Variants in FOXO3 observed in about 807,000 individuals in gnomAD.
FOXO3 encodes the protein forkhead box O3.
Under a neutral mutation model 41.9 loss-of-function variants are expected in FOXO3, and 4 were observed. The observed-to-expected ratio is 0.10, with a 90% confidence interval of 0.05 to 0.22. The LOEUF (loss-of-function observed/expected upper bound fraction) is 0.22, where lower values mean the gene tolerates loss of function less well. Among genes scored for constraint, FOXO3 ranks in the 10% least tolerant of loss-of-function variants. The probability of loss-of-function intolerance (pLI) is 1.00; values close to 1 mark genes in which losing one functional copy is unlikely to be tolerated. For missense variants in FOXO3, 534 were observed against 906.8 expected, an observed-to-expected ratio of 0.59 and a Z score of 5.28; for synonymous variants, 318 against 389.3, an observed-to-expected ratio of 0.82 and a Z score of 2.16.
intron 1 of FOXO3, among the ~76,000 whole-genome samples, chr6:108,639,065 G>A (rs940370924): frequency 6.6e-6 from 1 of 152,152 alleles, no homozygotes; most frequent in African/African-American, 2.4e-5. Context: ...TATAACAGGA[G>A]ACTTTTCACG....
intron 1 of FOXO3, among the ~76,000 whole-genome samples, chr6:108,627,489 A>G (rs1777843505): frequency 1.3e-5 from 2 of 152,140 alleles, no homozygotes; most frequent in South Asian, 4.1e-4. Context: ...CCCAGGTGGT[A>G]AATTTTCCAG....
Position 108,561,162 on chromosome 6 carries a change from G to A in FOXO3, c.-47G>A. The A allele has an allele frequency of 1.3e-6, 2 of 1,509,034 alleles. No homozygotes were observed. The highest frequency in any genetic ancestry group is 1.8e-6 in the Non-Finnish European group (2 of 1,132,782). The allele number at this position is 1,509,034 out of a possible 1,614,324, so 93.5% of individuals were successfully genotyped here. A position where few individuals can be genotyped will look rare whatever the true frequency, so the allele number is the denominator to read the frequency against. On this transcript the variant is annotated 5_prime_UTR_variant, in exon 1 of 3. Transcript: ENST00000406360. ...CCCCCGCTGCACCCCGCCCCGGCGC[G>A]AGAGGAGAGCGCGAGAGCCCCAGCC...
At chr6:108,576,563 C>T (rs1395869721) in intron 1 of FOXO3, among the ~76,000 whole-genome samples, 1 of 152,112 alleles carries the variant, frequency 6.6e-6, no homozygotes, top group South Asian at 2.1e-4. Context: ...AAATTGTTTA[C>T]CAGATTAATG....
At chr6:108,578,438 C>G (rs2128359299) in intron 1 of FOXO3, among the ~76,000 whole-genome samples, 1 of 152,334 alleles carries the variant, frequency 6.6e-6, no homozygotes, top group South Asian at 2.1e-4. Flanking sequence ...TAACAAAGCT[C>G]TAGCCCCTTG....
chr6:108,617,567 T>G (rs1303146281), intron 1 of FOXO3, among the ~76,000 whole-genome samples: 1 of 152,220 alleles, frequency 6.6e-6, no homozygotes, highest in Non-Finnish European at 1.5e-5. Flanking sequence ...GGTTTTACAG[T>G]GATCAATTAA....
At chr6:108,618,864 C>T (rs1199813764) in intron 1 of FOXO3, among the ~76,000 whole-genome samples, 4 of 152,166 alleles carry the variant, frequency 2.6e-5, no homozygotes, top group Admixed American at 1.3e-4. Flanking sequence ...TTTTGGCCTC[C>T]TTGAATGTGG....
At chr6:108,560,698 C>A (rs771865457), upstream of FOXO3, among the ~76,000 whole-genome samples, 1 of 152,106 alleles carries the variant, frequency 6.6e-6, no homozygotes, top group African/African-American at 2.4e-5. Flanking sequence ...CAAACGCACG[C>A]ACACCCGAGC....
intron 1 of FOXO3, among the ~76,000 whole-genome samples, chr6:108,565,022 A>AG (rs1480210026): frequency 2.0e-5 from 3 of 152,204 alleles, no homozygotes; most frequent in Non-Finnish European, 2.9e-5. Context: ...GTCATTTGCT[A>AG]GGTAATGGAT....
chr6:108,561,084 AGGCGGC>A lies in FOXO3; in HGVS notation c.-114_-109del. ...CTTCTCTCTTCTTTGGTGCTTCCCC[AGGCGGC>A]GGCGGCGGCGCCCGGGAGCCGGAGC... On this transcript the variant is annotated 5_prime_UTR_variant, in exon 1 of 3. Transcript: ENST00000406360. The A allele has an allele frequency of 1.4e-6, 2 of 1,428,844 alleles. No homozygotes were observed. The highest frequency in any genetic ancestry group is 9.1e-7 in the Non-Finnish European group (1 of 1,101,326). The allele number at this position is 1,428,844 out of a possible 1,614,324, so 88.5% of individuals were successfully genotyped here.
In FOXO3 at chr6:108,682,232, C is replaced by T. The variant is rs191268446; in HGVS notation, c.*2440C>T. ...TATCTCATTTATTCTCCTTTTCTAG[C>T]GTTTGTTGAATTTCAGGCAGAATGT... On this transcript the variant is annotated 3_prime_UTR_variant, in exon 3 of 3. Coordinates refer to ENST00000406360, the MANE Select transcript of FOXO3 (RefSeq NM_001455.4). 2.1e-4 allele frequency: 32 copies of T among 152,638 alleles called. No homozygotes were observed. The highest frequency in any genetic ancestry group is 7.5e-4 in the African/African-American group (31 of 41,512). 9.5% of individuals were successfully genotyped at this position (152,638 alleles called of 1,614,324 possible). A position where few individuals can be genotyped will look rare whatever the true frequency, so the allele number is the denominator to read the frequency against.
At chr6:108,634,976 ATATT>A (rs1049675810) in intron 1 of FOXO3, among the ~76,000 whole-genome samples, 9 of 151,718 alleles carry the variant, frequency 5.9e-5, no homozygotes, top group Non-Finnish European at 1.2e-4. Flanking sequence ...ATGTATATAT[ATATT>A]CATATAAGAA....
chr6:108,675,500 CCT>C (rs1770550486), intron 2 of FOXO3, among the ~76,000 whole-genome samples: 4 of 152,216 alleles, frequency 2.6e-5, no homozygotes, highest in Admixed American at 2.6e-4. Context: ...TGTTTTACAC[CCT>C]GTCTTCCTGG....
chr6:108,677,422 C>T (rs1192413062), intron 2 of FOXO3, among the ~76,000 whole-genome samples: 1 of 152,176 alleles, frequency 6.6e-6, no homozygotes, highest in African/African-American at 2.4e-5. Context: ...GTCCTCTGTC[C>T]TCTTTCCTGC....
In FOXO3 at chr6:108,651,576, A is replaced by C. The variant is rs559147350; in HGVS notation, c.622-11879A>C. The stretch of plus-strand genomic sequence containing the variant: ...AAGAGCTAGAAGCAGTTGTGTTTGT[A>C]TGTGTGACGCTAAAGCCAGTAAATT... On this transcript the variant is annotated intron_variant, in intron 1 of 2. Coordinates refer to ENST00000406360, the MANE Select transcript of FOXO3 (RefSeq NM_001455.4). Among the ~76,000 whole-genome samples the C allele has an allele frequency of 2.0e-5, 3 of 152,366 alleles. 1 individual carries two copies. In the South Asian group the frequency reaches 6.2e-4, roughly 32 times the overall value.
chr6:108,560,922 C>T lies in FOXO3; in HGVS notation c.-287C>T, dbSNP rs544294519. On this transcript the variant is annotated 5_prime_UTR_variant, in exon 1 of 3. Coordinates refer to ENST00000406360, the MANE Select transcript of FOXO3 (RefSeq NM_001455.4). Reference sequence around the variant, plus strand: ...TCGCGGCCTGGCCGGGGGGCGGTGTCTGCTGCGCCAGGTTCGCTGGCCGCA... The same window carrying T: ...TCGCGGCCTGGCCGGGGGGCGGTGTTTGCTGCGCCAGGTTCGCTGGCCGCA... 114 of 1,264,796 alleles carry T rather than the reference C, an allele frequency of 9.0e-5. 2 individuals carry two copies. The South Asian group carries it at 2.5e-3, about 28-fold the overall frequency. 78.3% of individuals were successfully genotyped at this position (1,264,796 alleles called of 1,614,324 possible).
At chr6:108,606,576 C>T (rs1777207238) in intron 1 of FOXO3, among the ~76,000 whole-genome samples, 1 of 152,158 alleles carries the variant, frequency 6.6e-6, no homozygotes, top group South Asian at 2.1e-4. Flanking sequence ...CTACAGGAGA[C>T]TGCATGAAAA....
At chr6:108,652,144 C>T (rs1412061902) in intron 1 of FOXO3, among the ~76,000 whole-genome samples, 1 of 152,168 alleles carries the variant, frequency 6.6e-6, no homozygotes, top group African/African-American at 2.4e-5. Flanking sequence ...CAGGCTAATT[C>T]TCCCAGAACA....
Position 108,635,224 on chromosome 6 carries a change from C to T in FOXO3, c.622-28231C>T, listed in dbSNP as rs544876788. Among the ~76,000 whole-genome samples the T allele has an allele frequency of 1.1e-4, 16 of 151,840 alleles. No individual in the cohort carries two copies. In the South Asian group the frequency reaches 3.3e-3, roughly 32 times the overall value. ...GCTGAGGCATGAGAATTTCTTGAAC[C>T]CGGGAGGTTGCAGTGAGCGGAGATC... On this transcript the variant is annotated intron_variant, in intron 1 of 2. Coordinates refer to ENST00000406360, the MANE Select transcript of FOXO3 (RefSeq NM_001455.4).
intron 1 of FOXO3, among the ~76,000 whole-genome samples, chr6:108,607,486 C>G (rs1287288419): frequency 6.6e-6 from 1 of 151,470 alleles, no homozygotes; most frequent in Non-Finnish European, 1.5e-5. Flanking sequence ...TTTCTGTACT[C>G]CCTTCAGAAA....
Sources: gnomAD v4.1 joint callset for allele counts (sites outside exome capture counted in the v4.1 genomes callset) on GRCh38, gnomAD v4.1.1 for gene constraint, MANE v1.5 for transcripts, NCBI Gene and HGNC (gene_info 2026-07-23, HGNC 2026-07-21) for gene names.